Variants in LRRC69 observed in about 807,000 individuals in gnomAD.
LRRC69 encodes the protein leucine-rich repeat-containing protein 69.
A neutral mutation model predicts 37.8 loss-of-function variants in LRRC69; 42 were observed. The ratio of observed to expected loss-of-function variants is 1.11; its 90% confidence interval spans 0.87 to 1.44. The LOEUF is 1.44. Among genes scored for constraint, LRRC69 ranks in the 40% most tolerant of loss-of-function variants. LRRC69 has a pLI of 0.00. For missense variants in LRRC69, 357 were observed against 401.9 expected (o/e 0.89, Z 0.96); for synonymous variants, 141 against 143.1 (o/e 0.99, Z 0.11).
chr8:91,111,837 G>A (rs1419000838), intron 1 of LRRC69, among the ~76,000 whole-genome samples: 2 of 151,644 alleles, frequency 1.3e-5, no homozygotes, highest in African/African-American at 4.8e-5. Context: ...CATGACACAA[G>A]TTTACCTATG....
intron 5 of LRRC69, among the ~76,000 whole-genome samples, chr8:91,147,145 C>T (rs2130538497): frequency 6.6e-6 from 1 of 150,934 alleles, no homozygotes; most frequent in Admixed American, 6.6e-5. Flanking sequence ...AAATGTTGAT[C>T]CCTGGGCCCC....
At chr8:91,159,872 T>C (rs1808905872) in intron 5 of LRRC69, among the ~76,000 whole-genome samples, 1 of 147,910 alleles carries the variant, frequency 6.8e-6, no homozygotes, top group African/African-American at 2.4e-5. Flanking sequence ...AATGTTTCCT[T>C]AGAGTGTTCT....
intron 5 of LRRC69, chr8:91,158,448 A>G: frequency 3.1e-6 from 4 of 1,290,672 alleles, no homozygotes; most frequent in Non-Finnish European, 4.5e-6. Context: ...AATAAAATGC[A>G]TGCTGTTAAT....
At chr8:91,194,956 T>G (rs1027786453) in intron 6 of LRRC69, among the ~76,000 whole-genome samples, 1 of 152,234 alleles carries the variant, frequency 6.6e-6, no homozygotes, top group African/African-American at 2.4e-5. Flanking sequence ...TTTTGGATCT[T>G]TCCTGCTTTG....
chr8:91,197,817 G>T (rs937597418), intron 6 of LRRC69, among the ~76,000 whole-genome samples: 4 of 152,058 alleles, frequency 2.6e-5, no homozygotes, highest in African/African-American at 9.7e-5. Flanking sequence ...TGTCGCTCAC[G>T]GTGGGAGCTG....
chr8:91,152,250 GT>G (rs1808753860), intron 5 of LRRC69, among the ~76,000 whole-genome samples: 1 of 151,698 alleles, frequency 6.6e-6, no homozygotes, highest in Middle Eastern at 3.4e-3. Context: ...TTCTTCTAGG[GT>G]TTTTATGGTT....
chr8:91,164,974 T>C (rs1317301178), intron 5 of LRRC69, among the ~76,000 whole-genome samples: 1 of 151,720 alleles, frequency 6.6e-6, no homozygotes, highest in Non-Finnish European at 1.5e-5. Flanking sequence ...ATTCCTTCCT[T>C]GCTGCTACAT....
At chr8:91,121,215 T>A (rs946219232) in intron 1 of LRRC69, among the ~76,000 whole-genome samples, 3 of 152,062 alleles carry the variant, frequency 2.0e-5, no homozygotes, top group African/African-American at 7.2e-5. Context: ...GCCTCTGTGT[T>A]CTCTTTGTGT....
intron 1 of LRRC69, among the ~76,000 whole-genome samples, chr8:91,109,260 G>A (rs1813371423): frequency 6.6e-6 from 1 of 152,054 alleles, no homozygotes; most frequent in Admixed American, 6.5e-5. Context: ...GCTGGCAGGT[G>A]TCTAGAAAAG....
intron 5 of LRRC69, among the ~76,000 whole-genome samples, chr8:91,144,938 T>C (rs1400695118): frequency 1.3e-5 from 2 of 152,028 alleles, no homozygotes; most frequent in Admixed American, 6.6e-5. Flanking sequence ...TTCAATAGAA[T>C]GATTTCCATA....
At chr8:91,172,682 A>C (rs1242494479) in intron 5 of LRRC69, among the ~76,000 whole-genome samples, 1 of 151,450 alleles carries the variant, frequency 6.6e-6, no homozygotes, top group East Asian at 1.9e-4. Flanking sequence ...CACTCGGCTA[A>C]TTTTGTATTT....
At chr8:91,175,801 G>A (rs1296246123) in intron 5 of LRRC69, among the ~76,000 whole-genome samples, 3 of 124,216 alleles carry the variant, frequency 2.4e-5, no homozygotes, top group South Asian at 2.9e-4. Flanking sequence ...TGAGTAAGAC[G>A]TGACACCACC....
At chr8:91,120,418 G>A (rs1813598737) in intron 1 of LRRC69, among the ~76,000 whole-genome samples, 1 of 152,046 alleles carries the variant, frequency 6.6e-6, no homozygotes, top group Admixed American at 6.6e-5. Context: ...CAGGAGTGAG[G>A]GAATCTGGAC....
intron 5 of LRRC69, among the ~76,000 whole-genome samples, chr8:91,165,482 C>T (rs908190932): frequency 5.9e-5 from 9 of 151,692 alleles, no homozygotes; most frequent in African/African-American, 1.9e-4. Context: ...TTTCAGAATG[C>T]AAAAGTTTTG....
At chr8:91,153,418 C>G (rs550995827) in intron 5 of LRRC69, among the ~76,000 whole-genome samples, 1 of 150,558 alleles carries the variant, frequency 6.6e-6, no homozygotes, top group Non-Finnish European at 1.5e-5. Flanking sequence ...ACAGTCTTCT[C>G]AGTGCCACGT....
intron 5 of LRRC69, among the ~76,000 whole-genome samples, chr8:91,165,420 T>G (rs2130571475): frequency 6.6e-6 from 1 of 151,886 alleles, no homozygotes; most frequent in Admixed American, 6.6e-5. Context: ...TCAGAAAAGC[T>G]GATCGTGTCA....
chr8:91,213,542 G>A (rs1405928959), intron 7 of LRRC69, among the ~76,000 whole-genome samples: 3 of 152,196 alleles, frequency 2.0e-5, no homozygotes, highest in Non-Finnish European at 4.4e-5. Context: ...AGTACAATGC[G>A]AATAAGTAGG....
intron 4 of LRRC69, 65 bp downstream of exon 4, chr8:91,133,370 T>G: frequency 2.3e-5 from 29 of 1,238,774 alleles, no homozygotes; most frequent in Non-Finnish European, 3.1e-5. Context: ...TGGGAGGTGG[T>G]TATAGATTAG....
At chr8:91,204,222 A>C in intron 7 of LRRC69, among the ~76,000 whole-genome samples, 1 of 152,198 alleles carries the variant, frequency 6.6e-6, no homozygotes, top group East Asian at 1.9e-4. Flanking sequence ...TACCACAGGG[A>C]AATGGTTGTG....
Sources: allele counts gnomAD v4.1 joint callset (sites outside exome capture counted in the v4.1 genomes callset), GRCh38; gene constraint gnomAD v4.1.1; transcripts MANE v1.5; gene names NCBI Gene and HGNC (gene_info 2026-07-23, HGNC 2026-07-21).